The following MYOZ1 variants were observed in gnomAD, a reference collection of about 807,000 sequenced individuals.
The protein encoded by MYOZ1 is myozenin-1.
In MYOZ1, 20 loss-of-function variants were observed where a neutral mutation model predicts 28.7. The observed-to-expected ratio is 0.70, with a 90% CI of 0.49 to 1.01. MYOZ1 has a LOEUF of 1.01. MYOZ1 is among the 50% of genes least tolerant of loss of function. MYOZ1 has a pLI of 0.00. For missense variants in MYOZ1, 371 were observed against 372.4 expected (o/e 1.00, Z 0.03); for synonymous variants, 144 against 145.8 (o/e 0.99, Z 0.09).
In MYOZ1 at chr10:73,632,230, A is replaced by G. The variant is rs1030723465; in HGVS notation, c.669-69T>C. ...AAACAGAGCCTTATCATGAGATGCT[A>G]CCCTCTTTGAGAATAGGGAAGTCTG... On this transcript the variant is annotated intron_variant, in intron 5 of 5. Transcript: ENST00000359322. The G allele has an allele frequency of 2.9e-6, 4 of 1,374,044 alleles. No individual in the cohort carries two copies. In the South Asian group the frequency reaches 3.7e-5, roughly 13 times the overall value. 85.1% of individuals were successfully genotyped at this position (1,374,044 alleles called of 1,614,324 possible).
At chr10:73,639,367 C>T (rs1236221493) in intron 2 of MYOZ1, among the ~76,000 whole-genome samples, 2 of 152,154 alleles carry the variant, frequency 1.3e-5, no homozygotes, top group African/African-American at 4.8e-5. Context: ...AGCGATCCAC[C>T]AGCCTTGGCC....
chr10:73,636,157 G>A (rs963158630), intron 3 of MYOZ1, among the ~76,000 whole-genome samples: 1 of 152,156 alleles, frequency 6.6e-6, no homozygotes, highest in Non-Finnish European at 1.5e-5. Context: ...ACTCAGAGAG[G>A]GTGGAGGAGG....
At chr10:73,638,188 G>C (rs993903254) in intron 2 of MYOZ1, among the ~76,000 whole-genome samples, 21 of 151,968 alleles carry the variant, frequency 1.4e-4, no homozygotes, top group African/African-American at 5.1e-4. Flanking sequence ...ATGGGGTACA[G>C]AGCAAAAGGA....
chr10:73,640,414 G>T (rs1243944082), intron 1 of MYOZ1, among the ~76,000 whole-genome samples: 6 of 152,206 alleles, frequency 3.9e-5, no homozygotes, highest in African/African-American at 1.4e-4. Flanking sequence ...AAAGTGCTGA[G>T]ATTACAGGGG....
Position 73,634,725 on chromosome 10 carries a change from G to C in MYOZ1, c.261C>G (p.Phe87Leu). 1.2e-6 allele frequency: 2 copies of C among 1,611,808 alleles called. No homozygotes were observed. The highest frequency in any genetic ancestry group is 2.2e-5 in the East Asian group (1 of 44,770). Residue 87 changes from phenylalanine to leucine, a missense_variant, in exon 4 of 6, where the codon TTC (phenylalanine) becomes TTG (leucine). Physicochemically the swap from Phe to Leu is conservative, Grantham distance 22. Transcript: ENST00000359322. ...DVFSDSSMDH[F>L]QKFLPTVGGQ... The stretch of plus-strand genomic sequence containing the variant: ...CCCCCACTGTTGGAAGGAACTTCTG[G>C]AAGTGATCCTGAAAAGAAGACAAAG...
chr10:73,635,017 C>T (rs1420371606), intron 3 of MYOZ1, among the ~76,000 whole-genome samples: 2 of 152,086 alleles, frequency 1.3e-5, no homozygotes, highest in Admixed American at 6.5e-5. Context: ...CTCAGCCTTC[C>T]AGGTTCAAGC....
At position 73,632,146 on chromosome 10, in the gene MYOZ1, A is replaced by G. The variant is rs1481872929; in HGVS notation, c.684T>C (p.Tyr228=). ...YKSFNRTAMP[Y]GGYEKASKRM... ...GTTTGGAGGCCTTCTCATATCCACCATAGGGCATTGCCGTCCTGAGAAGGG... is the reference window on the plus strand; with the variant it reads ...GTTTGGAGGCCTTCTCATATCCACCGTAGGGCATTGCCGTCCTGAGAAGGG... The change falls in exon 6 of 6, where the codon TAT becomes TAC. Residue 228 remains tyrosine (Y), a synonymous_variant. Coordinates refer to ENST00000359322, the MANE Select transcript of MYOZ1 (RefSeq NM_021245.4). 3 of 1,614,166 alleles carry G rather than the reference A, an allele frequency of 1.9e-6. No homozygotes were observed. The highest frequency in any genetic ancestry group is 2.5e-6 in the Non-Finnish European group (3 of 1,180,006).
chr10:73,641,051 G>C (rs2081700922), intron 1 of MYOZ1, among the ~76,000 whole-genome samples: 2 of 152,176 alleles, frequency 1.3e-5, no homozygotes, highest in Admixed American at 6.5e-5. Flanking sequence ...TCTGGCAATG[G>C]AAAGGGACAA....
chr10:73,633,068 G>A (rs759588994), intron 5 of MYOZ1, among the ~76,000 whole-genome samples: 13 of 152,188 alleles, frequency 8.5e-5, no homozygotes, highest in South Asian at 2.1e-4. Flanking sequence ...AGCCCGAGGC[G>A]GGCAGATCAC....
intron 2 of MYOZ1, among the ~76,000 whole-genome samples, chr10:73,638,638 T>TTTA (rs2081683206): frequency 8.1e-6 from 1 of 124,112 alleles, no homozygotes; most frequent in African/African-American, 3.5e-5. Context: ...CCAGCCTACA[T>TTTA]TTTATTTATT....
intron 3 of MYOZ1, among the ~76,000 whole-genome samples, chr10:73,637,010 C>CTTTTTTTTTTTTTTTTTTT (rs200349316): frequency 7.3e-6 from 1 of 137,522 alleles, no homozygotes; most frequent in Non-Finnish European, 1.5e-5. Context: ...TTTCTTTTTT[C>CTTTTTTTTTTTTTTTTTTT]TTTCTTTTTT....
In MYOZ1 at chr10:73,637,808, C is replaced by T. The variant is rs2081676232; in HGVS notation, c.188G>A (p.Arg63Gln). ...TNRGSKMFKLRQMRVEKFIYE... is the reference protein window; with the variant it reads ...TNRGSKMFKLQQMRVEKFIYE... ...AATAAACTTCTCCACCCTCATCTGC[C>T]GCAGTTTGAACATCTTGGAGCCCCG... Residue 63 changes from arginine to glutamine, a missense_variant, in exon 3 of 6, where the codon CGG becomes CAG. Transcript: ENST00000359322. The T allele has an allele frequency of 3.1e-6, 5 of 1,613,996 alleles. No homozygotes were observed. Among genetic ancestry groups the T allele is most frequent in the Middle Eastern group, 1.6e-4 (1 of 6,084 alleles).
intron 2 of MYOZ1, among the ~76,000 whole-genome samples, chr10:73,638,498 G>A (rs1220060695): frequency 3.3e-5 from 5 of 150,906 alleles, no homozygotes; most frequent in African/African-American, 1.2e-4. Flanking sequence ...ATCCCTGGCT[G>A]ATTTTTATAT....
chr10:73,634,427 C>T, intron 4 of MYOZ1, 57 bp downstream of exon 4: 1 of 1,597,314 alleles, frequency 6.3e-7, no homozygotes, highest in Admixed American at 1.7e-5. Flanking sequence ...AGACATCATT[C>T]CTGGGACAAC....
chr10:73,638,292 C>CATATATATATATATATAT (rs56801610), intron 2 of MYOZ1, among the ~76,000 whole-genome samples: 45 of 143,226 alleles, frequency 3.1e-4, no homozygotes, highest in African/African-American at 1.0e-3. Context: ...ATACAGATGC[C>CATATATATATATATATAT]ATATATATAT....
chr10:73,637,595 C>A, intron 3 of MYOZ1, 149 bp downstream of exon 3: 1 of 722,494 alleles, frequency 1.4e-6, no homozygotes, highest in South Asian at 2.1e-5. Flanking sequence ...CACCCTGGAG[C>A]TGTTGCGGGC....
In MYOZ1 at chr10:73,637,895, AG is replaced by A. The variant is rs2132407987; in HGVS notation, c.100del (p.Leu34TrpfsTer11). 1 of 1,614,000 alleles carries A rather than the reference AG, an allele frequency of 6.2e-7. No individual in the cohort carries two copies. The highest frequency in any genetic ancestry group is 2.2e-5 in the East Asian group (1 of 44,882). On this transcript the variant is annotated frameshift_variant, in exon 3 of 6. Transcript: ENST00000359322. LOFTEE classifies it high-confidence loss of function. Reference sequence around the variant, plus strand: ...CCTTGGGACACTGATCTTTTTGCCCAGGTTCAAGCCTGAGCTCTCCTGTCCA... The same window carrying A: ...CCTTGGGACACTGATCTTTTTGCCCAGTTCAAGCCTGAGCTCTCCTGTCCA... Reference protein sequence around the residue: ...GGGQESSGLNLGKKISVPRDV... With the variant: ...GGGQESSGLNXGKKISVPRDV...
chr10:73,640,157 T>C (rs2081695030), intron 1 of MYOZ1, 122 bp from the exon 2 acceptor site: 1 of 713,212 alleles, frequency 1.4e-6, no homozygotes, highest in East Asian at 2.8e-5. Context: ...AAATTTTTTT[T>C]TCTTTTTTAG....
At chr10:73,636,103 G>A (rs2081665902) in intron 3 of MYOZ1, among the ~76,000 whole-genome samples, 1 of 152,048 alleles carries the variant, frequency 6.6e-6, no homozygotes, top group Non-Finnish European at 1.5e-5. Flanking sequence ...AGACACTTCT[G>A]CCCCCGGCCC....
Sources: gnomAD v4.1 joint callset for allele counts (sites outside exome capture counted in the v4.1 genomes callset) on GRCh38, gnomAD v4.1.1 for gene constraint, MANE v1.5 for transcripts, NCBI Gene and HGNC (gene_info 2026-07-23, HGNC 2026-07-21) for gene names.